FNDC3A: variants seen among roughly 807,000 people sequenced by gnomAD.
FNDC3A encodes fibronectin type III domain containing 3A, also known as fibronectin type-III domain-containing protein 3A.
A neutral mutation model predicts 148.9 loss-of-function variants in FNDC3A; 32 were observed. The observed-to-expected ratio is 0.21, with a 90% CI of 0.16 to 0.29. FNDC3A has a LOEUF of 0.29. Ranked by LOEUF, FNDC3A falls within the 10% of genes least tolerant of loss-of-function variation. The probability of loss-of-function intolerance (pLI) is 1.00; values close to 1 mark genes in which losing one functional copy is unlikely to be tolerated. For synonymous variants in FNDC3A, 472 were observed against 473.6 expected, an observed-to-expected ratio of 1.00 and a Z score of 0.04; for missense variants, 1,191 against 1,452.8, an observed-to-expected ratio of 0.82 and a Z score of 2.93.
intron 3 of FNDC3A, among the ~76,000 whole-genome samples, chr13:49,089,294 G>A (rs1472934287): frequency 2.0e-5 from 3 of 152,202 alleles, no homozygotes; most frequent in Non-Finnish European, 2.9e-5. Context: ...CTTAAATAAT[G>A]TGGTAGGCAA....
At chr13:49,121,706 A>G (rs2137897811) in intron 4 of FNDC3A, among the ~76,000 whole-genome samples, 1 of 152,342 alleles carries the variant, frequency 6.6e-6, no homozygotes, top group Admixed American at 6.5e-5. Context: ...ACCATCAGGG[A>G]ATACTATAAA....
At chr13:48,992,222 T>C (rs1276517356) in intron 1 of FNDC3A, among the ~76,000 whole-genome samples, 1 of 152,272 alleles carries the variant, frequency 6.6e-6, no homozygotes, top group East Asian at 1.9e-4. Context: ...CAGGAGAAAA[T>C]CTCTGTGACC....
Position 49,136,533 on chromosome 13 carries a change from A to G in FNDC3A, c.692A>G (p.Asn231Ser). Residue 231 changes from asparagine (N) to serine (S), a missense_variant, in exon 6 of 26, where the codon AAC (asparagine) becomes AGC (serine). Asn to Ser is a conservative substitution (Grantham distance 46). This residue lies in a region of FNDC3A where 426 missense variants were observed against 473.2 expected (regional missense o/e 0.90). Transcript: ENST00000492622. ...AAAGGACAAATTGCTGGTGGTATAA[A>G]CACAGGATCAGCAAAAATCAAGTCT... is the stretch of plus-strand genomic sequence containing the variant. ...LIKGQIAGGI[N>S]TGSAKIKSGK... The G allele has an allele frequency of 1.2e-6, 2 of 1,614,166 alleles. No homozygotes were observed. The highest frequency in any genetic ancestry group is 1.7e-6 in the Non-Finnish European group (2 of 1,179,996).
chr13:49,062,212 G>C (rs1876947950), intron 2 of FNDC3A, among the ~76,000 whole-genome samples: 1 of 152,188 alleles, frequency 6.6e-6, no homozygotes, highest in South Asian at 2.1e-4. Flanking sequence ...ACCAAAAAGA[G>C]TGAGAGTGAG....
At chr13:49,197,314 T>C (rs537313518) in intron 20 of FNDC3A, among the ~76,000 whole-genome samples, 5 of 152,250 alleles carry the variant, frequency 3.3e-5, no homozygotes, top group Middle Eastern at 3.2e-3. Flanking sequence ...ATTTCTCTTA[T>C]ATTTATCCAG....
At position 48,981,865 on chromosome 13, in the gene FNDC3A, C is replaced by T. The variant is rs1433952498; in HGVS notation, c.-40+5688C>T. Among the ~76,000 whole-genome samples the T allele has an allele frequency of 2.6e-5, 4 of 152,002 alleles. No individual in the cohort carries two copies. In the East Asian group the frequency reaches 7.7e-4, roughly 29 times the overall value. ...AAAAAGTGTTGTATCTGTTTTCTTT[C>T]CTCAGAATCCATATTTTAATATATA... On this transcript the variant is annotated intron_variant, in intron 1 of 25. Coordinates refer to ENST00000492622, the MANE Select transcript of FNDC3A (RefSeq NM_001079673.2).
At chr13:49,071,318 A>T (rs1213986327) in intron 2 of FNDC3A, among the ~76,000 whole-genome samples, 1 of 152,158 alleles carries the variant, frequency 6.6e-6, no homozygotes, top group Non-Finnish European at 1.5e-5. Flanking sequence ...GGCTACTGTG[A>T]ATAGTGCTGC....
intron 4 of FNDC3A, among the ~76,000 whole-genome samples, chr13:49,125,199 G>A (rs939401603): frequency 9.9e-5 from 15 of 152,130 alleles, no homozygotes; most frequent in African/African-American, 3.4e-4. Context: ...CAGATATTCT[G>A]CAAATCAATC....
chr13:49,088,511 T>G (rs191992435), intron 3 of FNDC3A, among the ~76,000 whole-genome samples: 250 of 152,342 alleles, frequency 1.6e-3, no homozygotes, highest in African/African-American at 5.6e-3. Flanking sequence ...AGGTCACCAG[T>G]AACCTCTGTG....
rs751886194 is a variant in FNDC3A at position 49,175,559 on chromosome 13, T to A, written c.1530+18T>A. The A allele has an allele frequency of 6.5e-7, 1 of 1,544,464 alleles. No homozygotes were observed. The highest frequency in any genetic ancestry group is 1.2e-5 in the South Asian group (1 of 85,444). ...AAACTTCAGTAAGTGCAAATATGGA[T>A]TTTAAATAGTGTATTTAAAACATTT... On this transcript the variant is annotated intron_variant, in intron 13 of 25. Coordinates refer to ENST00000492622, the MANE Select transcript of FNDC3A (RefSeq NM_001079673.2).
At chr13:49,123,757 A>T (rs1414076250) in intron 4 of FNDC3A, among the ~76,000 whole-genome samples, 1 of 152,194 alleles carries the variant, frequency 6.6e-6, no homozygotes, top group African/African-American at 2.4e-5. Flanking sequence ...AAAGCTTATC[A>T]TTGGTCATTA....
At chr13:49,096,848 A>G (rs1352749519) in intron 3 of FNDC3A, among the ~76,000 whole-genome samples, 1 of 152,138 alleles carries the variant, frequency 6.6e-6, no homozygotes, top group Non-Finnish European at 1.5e-5. Context: ...AGCATAGGGA[A>G]GTCATTGAGT....
intron 1 of FNDC3A, among the ~76,000 whole-genome samples, chr13:49,002,879 C>T (rs929457326): frequency 1.3e-4 from 20 of 152,176 alleles, no homozygotes; most frequent in African/African-American, 4.8e-4. Flanking sequence ...TTCTATGAGC[C>T]GTCTTGTATC....
At chr13:49,057,439 T>C (rs1287566500) in intron 2 of FNDC3A, among the ~76,000 whole-genome samples, 3 of 152,140 alleles carry the variant, frequency 2.0e-5, no homozygotes, top group Non-Finnish European at 4.4e-5. Context: ...CAGCCACCCC[T>C]CTTATGCCAG....
intron 4 of FNDC3A, among the ~76,000 whole-genome samples, chr13:49,124,003 C>T (rs1181464044): frequency 1.3e-5 from 2 of 152,248 alleles, no homozygotes; most frequent in East Asian, 3.9e-4. Flanking sequence ...GGGTATATAG[C>T]CAAAGGATTA....
At chr13:49,175,307 C>T (rs1223132864) in intron 12 of FNDC3A, 60 bp from the exon 13 acceptor site, 1 of 1,235,202 alleles carries the variant, frequency 8.1e-7, no homozygotes, top group African/African-American at 1.5e-5. Context: ...CTGTCACAAA[C>T]TTGTTCTTTC....
At chr13:48,984,959 G>A (rs1951761430) in intron 1 of FNDC3A, among the ~76,000 whole-genome samples, 1 of 152,128 alleles carries the variant, frequency 6.6e-6, no homozygotes, top group Non-Finnish European at 1.5e-5. Context: ...TGTGATTACA[G>A]GCGTGAGCCA....
At chr13:49,092,854 T>C (rs1879275719) in intron 3 of FNDC3A, among the ~76,000 whole-genome samples, 1 of 152,224 alleles carries the variant, frequency 6.6e-6, no homozygotes, top group Admixed American at 6.5e-5. Flanking sequence ...GTCTATATTG[T>C]TATTTGTCTT....
chr13:49,060,537 G>A (rs1876594608), intron 2 of FNDC3A, among the ~76,000 whole-genome samples: 2 of 151,420 alleles, frequency 1.3e-5, no homozygotes, highest in Admixed American at 6.6e-5. Flanking sequence ...CCAGCTACTC[G>A]GGAGGCTGAA....
Sources: gnomAD v4.1 joint callset for allele counts (sites outside exome capture counted in the v4.1 genomes callset) on GRCh38, gnomAD v4.1.1 for gene constraint, gnomAD v4.1.1 regional missense constraint, MANE v1.5 for transcripts, NCBI Gene and HGNC (gene_info 2026-07-23, HGNC 2026-07-21) for gene names.